ALS2CL: variants seen among roughly 807,000 people sequenced by gnomAD.
ALS2CL encodes ALS2 C-terminal-like protein.
In ALS2CL, 112 loss-of-function variants were observed where a neutral mutation model predicts 127.9. The ratio of observed to expected loss-of-function variants is 0.88; its 90% CI spans 0.75 to 1.02. The LOEUF (loss-of-function observed/expected upper bound fraction) is 1.02. Ranked by LOEUF, ALS2CL falls within the 50% of genes least tolerant of loss-of-function variation. The pLI, the probability that ALS2CL is intolerant of heterozygous loss-of-function variation, is 0.00. For synonymous variants in ALS2CL, 519 were observed against 527.6 expected, an observed-to-expected ratio of 0.98 and a Z score of 0.22; for missense variants, 1,174 against 1,236.7, an observed-to-expected ratio of 0.95 and a Z score of 0.76.
At chr3:46,676,126 C>T in intron 19 of ALS2CL, 119 bp downstream of exon 19, 1 of 1,476,460 alleles carries the variant, frequency 6.8e-7, no homozygotes, top group Non-Finnish European at 9.0e-7. Flanking sequence ...GACCAAGCCT[C>T]TGGTTCATTG....
In ALS2CL at chr3:46,676,725, C is replaced by T. The variant is rs1191468116; in HGVS notation, c.1945G>A (p.Asp649Asn). ...YLSCERTHPEDSVGSMEDILE... is the reference protein window; with the variant it reads ...YLSCERTHPENSVGSMEDILE... ...ATGTCTTCCATACTGCCCACACTGTCCTCAGGGTGGGTCCTGGGCACCACA... is the reference window on the plus strand; with the variant it reads ...ATGTCTTCCATACTGCCCACACTGTTCTCAGGGTGGGTCCTGGGCACCACA... Residue 649 changes from aspartate to asparagine, a missense_variant, in exon 18 of 26, where the codon GAC becomes AAC. By Grantham distance (23) the Asp-to-Asn change is conservative. Coordinates refer to ENST00000318962, the MANE Select transcript of ALS2CL (RefSeq NM_147129.5). The T allele has an allele frequency of 1.2e-6, 2 of 1,613,726 alleles. No individual in the cohort carries two copies. Among genetic ancestry groups the T allele is most frequent in the Admixed American group, 1.7e-5 (1 of 60,008 alleles).
chr3:46,681,710 G>C lies in ALS2CL; in HGVS notation c.1176-112C>G. 9.0e-7 allele frequency: 1 copy of C among 1,115,164 alleles called. No homozygotes were observed. Among genetic ancestry groups the C allele is most frequent in the South Asian group, 1.4e-5 (1 of 70,902 alleles). The allele number at this position is 1,115,164 out of a possible 1,614,324, so 69.1% of individuals were successfully genotyped here. Reference sequence around the variant, plus strand: ...CCCCAAGGAGCCTTCCAGACAACAGGGAGACTCTCAGAGGCCCTCAGCCTT... The same window carrying C: ...CCCCAAGGAGCCTTCCAGACAACAGCGAGACTCTCAGAGGCCCTCAGCCTT... On this transcript the variant is annotated intron_variant, in intron 11 of 25. Transcript: ENST00000318962. This position sits in a 1 kb window ranked among gnomAD's most constrained non-coding sequence, Gnocchi z 4.9.
chr3:46,677,245 CA>C, intron 16 of ALS2CL: 1 of 1,388,544 alleles, frequency 7.2e-7, no homozygotes, highest in Non-Finnish European at 9.3e-7. Flanking sequence ...GACGAGAAGA[CA>C]GACAGAAGCA....
At chr3:46,687,254 C>A in intron 4 of ALS2CL, 106 bp from the exon 5 acceptor site, 1 of 1,299,088 alleles carries the variant, frequency 7.7e-7, no homozygotes. Flanking sequence ...CAGGGCCAGC[C>A]CCAGGCCCAA....
chr3:46,676,084 C>G, intron 19 of ALS2CL, 161 bp downstream of exon 19: 1 of 1,366,158 alleles, frequency 7.3e-7, no homozygotes, highest in Non-Finnish European at 9.7e-7. Flanking sequence ...ACCTCCCCAC[C>G]CTCTAACCCT....
rs147265267 is a variant in ALS2CL at position 46,678,318 on chromosome 3, G to A, written c.1698C>T (p.His566=). 2.7e-5 allele frequency: 43 copies of A among 1,613,074 alleles called. No individual in the cohort carries two copies. Among genetic ancestry groups the A allele is most frequent in the Admixed American group, 5.0e-5 (3 of 59,966 alleles). The stretch of plus-strand genomic sequence containing the variant: ...CAGCCGTGTCCAGCACACCCTGTGT[G>A]TGCAGTCCTCTCCCTGCCCCACTGC... The part of the protein sequence containing the change: ...SFGSGAGRGL[H]TQGVLDTAAL... The change falls in exon 16 of 26, where the codon CAC becomes CAT. Residue 566 remains histidine, a synonymous_variant. Transcript: ENST00000318962.
chr3:46,682,162 T>C lies in ALS2CL; in HGVS notation c.1110-68A>G, dbSNP rs1329148244. 5 of 1,543,310 alleles carry C rather than the reference T, an allele frequency of 3.2e-6. No homozygotes were observed. In the African/African-American group the frequency reaches 5.4e-5, roughly 17 times the overall value. ...CCTCAGCAACCTCAGCCACCTACTT[T>C]CTCAGACGCCCTCCCTTCCTCTTCC... is the stretch of plus-strand genomic sequence containing the variant. On this transcript the variant is annotated intron_variant, in intron 10 of 25. Coordinates refer to ENST00000318962, the MANE Select transcript of ALS2CL (RefSeq NM_147129.5).
Position 46,671,479 on chromosome 3 carries a change from G to T in ALS2CL, c.2781+9C>A. The T allele has an allele frequency of 6.2e-7, 1 of 1,613,992 alleles. No homozygotes were observed. The highest frequency in any genetic ancestry group is 1.1e-5 in the South Asian group (1 of 91,074). Reference sequence around the variant, plus strand: ...ATTTCCACCTCGGTCCACAGCCCCTGTCCCTTACCTCCAGGGCTGTGAGCA... The same window carrying T: ...ATTTCCACCTCGGTCCACAGCCCCTTTCCCTTACCTCCAGGGCTGTGAGCA... On this transcript the variant is annotated intron_variant, in intron 25 of 25. Transcript: ENST00000318962.
At chr3:46,691,722 CTT>C (rs1029410954) in intron 1 of ALS2CL, among the ~76,000 whole-genome samples, 38 of 134,584 alleles carry the variant, frequency 2.8e-4, no homozygotes, top group Admixed American at 3.0e-4. Flanking sequence ...TCTTTCTATT[CTT>C]TTTTTTTTTT....
At chr3:46,680,165 A>C in intron 14 of ALS2CL, 1 of 476,528 alleles carries the variant, frequency 2.1e-6, no homozygotes, top group Non-Finnish European at 3.8e-6. Flanking sequence ...CAAGTGCTCC[A>C]TTCTTGTTAG....
intron 7 of ALS2CL, among the ~76,000 whole-genome samples, chr3:46,684,737 T>A (rs1699637174): frequency 6.6e-6 from 1 of 152,142 alleles, no homozygotes; most frequent in Non-Finnish European, 1.5e-5. Flanking sequence ...AGGAGAGGGC[T>A]AGCACAGGGA....
chr3:46,669,761 C>G lies in ALS2CL; in HGVS notation c.*1223G>C, dbSNP rs1033977381. 2 of 152,412 alleles carry G rather than the reference C, an allele frequency of 1.3e-5. No individual in the cohort carries two copies. Among genetic ancestry groups the G allele is most frequent in the African/African-American group, 2.4e-5 (1 of 41,586 alleles). 9.4% of individuals were successfully genotyped at this position (152,412 alleles called of 1,614,324 possible). ...TGGCAAACAGAGGCGCCAAGGCTCT[C>G]TCTGCCCACTGCCCACATCATCTCT... is the stretch of plus-strand genomic sequence containing the variant. On this transcript the variant is annotated 3_prime_UTR_variant, in exon 26 of 26. Transcript: ENST00000318962.
Position 46,676,948 on chromosome 3 carries a change from C to A in ALS2CL, c.1832G>T (p.Cys611Phe), listed in dbSNP as rs1357507357. The change falls in exon 17 of 26, where the codon TGT (cysteine) becomes TTT (phenylalanine). Residue 611 changes from cysteine (C) to phenylalanine (F), a missense_variant. Cys to Phe is a radical substitution (Grantham distance 205). Coordinates refer to ENST00000318962, the MANE Select transcript of ALS2CL (RefSeq NM_147129.5). ...GVYSPFRDFV[C>F]AGCPRDLQEA... ...CTGCAGGTCCCTGGGGCAGCCAGCA[C>A]ACACAAAGTCCCGGAAGGGGCTGTA... The A allele has an allele frequency of 1.2e-6, 2 of 1,613,584 alleles. No homozygotes were observed. Among genetic ancestry groups the A allele is most frequent in the Non-Finnish European group, 1.7e-6 (2 of 1,179,952 alleles).
At chr3:46,680,765 G>C (rs1699256345) in intron 13 of ALS2CL, 3 of 573,968 alleles carry the variant, frequency 5.2e-6, no homozygotes, top group Non-Finnish European at 6.3e-6. Flanking sequence ...GCTTCTCCGT[G>C]GAGGTGGCAG....
Position 46,686,490 on chromosome 3 carries a change from C to G in ALS2CL, c.535-51G>C. On this transcript the variant is annotated intron_variant, in intron 5 of 25. Transcript: ENST00000318962. This position sits in a 1 kb window ranked among gnomAD's most constrained non-coding sequence, Gnocchi z 4.3. ...AGAGGAGAGCTTACTGGAATCTTCCCTAGCCCAGTCCTGGTCCCGGCTGGT... is the reference window on the plus strand; with the variant it reads ...AGAGGAGAGCTTACTGGAATCTTCCGTAGCCCAGTCCTGGTCCCGGCTGGT... 6.3e-7 allele frequency: 1 copy of G among 1,585,386 alleles called. No homozygotes were observed. The highest frequency in any genetic ancestry group is 2.2e-5 in the East Asian group (1 of 44,524).
At position 46,674,570 on chromosome 3, in the gene ALS2CL, G is replaced by T. The variant is rs1698659462; in HGVS notation, c.2425C>A (p.Gln809Lys). Residue 809 changes from glutamine (Q) to lysine (K), a missense_variant, in exon 21 of 26, where the codon CAG (glutamine) becomes AAG (lysine). Gln to Lys is a moderately conservative substitution (Grantham distance 53). Coordinates refer to ENST00000318962, the MANE Select transcript of ALS2CL (RefSeq NM_147129.5). ...DTQLLEFLDV[Q>K]KHLWPLKDLT... ...ACGGGGGAAGGGAAGGCTTACTTCT[G>T]CACATCCAGGAACTCGAGCAGTTGG... is the stretch of plus-strand genomic sequence containing the variant. 35 of 1,611,828 alleles carry T rather than the reference G, an allele frequency of 2.2e-5. No individual in the cohort carries two copies. Among genetic ancestry groups the T allele is most frequent in the Non-Finnish European group, 3.0e-5 (35 of 1,178,890 alleles).
chr3:46,686,386 C>A lies in ALS2CL; in HGVS notation c.588G>T (p.Leu196=). The A allele has an allele frequency of 1.2e-6, 2 of 1,613,778 alleles. No individual in the cohort carries two copies. Among genetic ancestry groups the A allele is most frequent in the Non-Finnish European group, 1.7e-6 (2 of 1,179,906 alleles). ...CCAACTCCTGCTTCATGAAGGACTG[C>A]AGGTTCCCAAAGAGGGTGACTGCGT... is the stretch of plus-strand genomic sequence containing the variant. The part of the protein sequence containing the change: ...VVNAVTLFGN[L]QSFMKQELDQ... Residue 196 remains leucine (L), a synonymous_variant, in exon 6 of 26, where the codon CTG becomes CTT. Transcript: ENST00000318962. This position sits in a 1 kb window ranked among gnomAD's most constrained non-coding sequence, Gnocchi z 4.3.
Position 46,669,249 on chromosome 3 carries a change from G to C in ALS2CL, c.*1735C>G, listed in dbSNP as rs971261310. 6.6e-6 allele frequency: 1 copy of C among 152,118 alleles called. No homozygotes were observed. Among genetic ancestry groups the C allele is most frequent in the Non-Finnish European group, 1.5e-5 (1 of 68,054 alleles). 9.4% of individuals were successfully genotyped at this position (152,118 alleles called of 1,614,324 possible). On this transcript the variant is annotated 3_prime_UTR_variant, in exon 26 of 26. Coordinates refer to ENST00000318962, the MANE Select transcript of ALS2CL (RefSeq NM_147129.5). ...AGGGTCTCACTATGTTGCCCAGGCT[G>C]GTCTTGAACTCTCAGTTTCCAGCAG...
In ALS2CL at chr3:46,669,062, CATTTT is replaced by C. The variant is rs571733962; in HGVS notation, c.*1917_*1921del. 158 of 152,002 alleles carry C rather than the reference CATTTT, an allele frequency of 1.0e-3. No individual in the cohort carries two copies. Among genetic ancestry groups the C allele is most frequent in the African/African-American group, 3.6e-3 (149 of 41,462 alleles). 9.4% of individuals were successfully genotyped at this position (152,002 alleles called of 1,614,324 possible). A position where few individuals can be genotyped will look rare whatever the true frequency, so the allele number is the denominator to read the frequency against. On this transcript the variant is annotated 3_prime_UTR_variant, in exon 26 of 26. Coordinates refer to ENST00000318962, the MANE Select transcript of ALS2CL (RefSeq NM_147129.5). Reference sequence around the variant, plus strand: ...TATTTTTATTTTTGAGGCAGGGTTTCATTTTGTCACCCAGGATTGAGTGCAGAGGT... The same window carrying C: ...TATTTTTATTTTTGAGGCAGGGTTTCGTCACCCAGGATTGAGTGCAGAGGT...
Sources: allele counts gnomAD v4.1 joint callset (sites outside exome capture counted in the v4.1 genomes callset), GRCh38; gene constraint gnomAD v4.1.1; non-coding constraint Gnocchi (gnomAD v3.1); transcripts MANE v1.5; gene names NCBI Gene and HGNC (gene_info 2026-07-23, HGNC 2026-07-21).